MYO3B: variants seen among roughly 807,000 people sequenced by gnomAD.
MYO3B encodes myosin-IIIb.
A neutral mutation model predicts 174.6 loss-of-function variants in MYO3B; 156 were observed. The observed-to-expected ratio is 0.89, with a 90% CI of 0.78 to 1.02. The LOEUF (loss-of-function observed/expected upper bound fraction) is 1.02. MYO3B is among the 50% of genes least tolerant of loss of function. MYO3B has a pLI of 0.00. For missense variants in MYO3B, 1,632 were observed against 1,639.4 expected, an observed-to-expected ratio of 1.00 and a Z score of 0.08; for synonymous variants, 563 against 569.1, an observed-to-expected ratio of 0.99 and a Z score of 0.15.
intron 3 of MYO3B, among the ~76,000 whole-genome samples, chr2:170,212,758 G>A (rs1272634790): frequency 1.3e-5 from 2 of 152,202 alleles, no homozygotes; most frequent in South Asian, 2.1e-4. Context: ...TGCATAAGGC[G>A]TGAATTCCCC....
intron 7 of MYO3B, among the ~76,000 whole-genome samples, chr2:170,261,855 T>C (rs1357209686): frequency 6.6e-6 from 1 of 152,164 alleles, no homozygotes; most frequent in Non-Finnish European, 1.5e-5. Context: ...AATATATAAA[T>C]GTTCAGGAAG....
intron 25 of MYO3B, among the ~76,000 whole-genome samples, chr2:170,474,474 C>T (rs760027424): frequency 4.6e-5 from 7 of 151,696 alleles, no homozygotes; most frequent in Non-Finnish European, 7.4e-5. Flanking sequence ...TGGTGGCTGA[C>T]GCCTGTAATC....
chr2:170,338,958 AC>A (rs1306806139), intron 8 of MYO3B, among the ~76,000 whole-genome samples: 2 of 152,138 alleles, frequency 1.3e-5, no homozygotes, highest in Admixed American at 1.3e-4. Context: ...GGCTGCCATT[AC>A]TCAGCCTATC....
At chr2:170,576,288 G>T (rs1175572777) in intron 32 of MYO3B, among the ~76,000 whole-genome samples, 3 of 152,168 alleles carry the variant, frequency 2.0e-5, no homozygotes, top group Non-Finnish European at 2.9e-5. Context: ...CTCTGTGTAG[G>T]GTTACTGTCC....
chr2:170,286,518 T>A (rs1559360331), intron 7 of MYO3B, among the ~76,000 whole-genome samples: 2 of 152,150 alleles, frequency 1.3e-5, no homozygotes, highest in Non-Finnish European at 2.9e-5. Flanking sequence ...TTTCTCCTTT[T>A]CCCCTTCCTT....
At chr2:170,322,780 T>C (rs9287937) in intron 7 of MYO3B, among the ~76,000 whole-genome samples, 145,165 of 152,260 alleles carry the variant, frequency 0.95, 69,561 homozygotes, top group East Asian at 1. Context: ...GGCATGCACA[T>C]GGTCTCTGGT....
At chr2:170,214,923 C>T in intron 5 of MYO3B, 95 bp downstream of exon 5, 1 of 924,414 alleles carries the variant, frequency 1.1e-6, no homozygotes, top group South Asian at 1.5e-5. Context: ...TTCTCTGCTA[C>T]ACCATAGGCT....
chr2:170,182,614 C>CTTTTT (rs3066879), intron 1 of MYO3B, among the ~76,000 whole-genome samples: 9 of 135,628 alleles, frequency 6.6e-5, no homozygotes, highest in African/African-American at 2.2e-4. Flanking sequence ...TTTTCTGTTT[C>CTTTTT]TTTTTTTTTT....
At chr2:170,479,776 A>G (rs1287593018) in intron 25 of MYO3B, among the ~76,000 whole-genome samples, 2 of 147,968 alleles carry the variant, frequency 1.4e-5, no homozygotes, top group African/African-American at 2.5e-5. Context: ...ACTGAATGTT[A>G]ACTTTGTAAT....
At chr2:170,562,297 G>T (rs1282471685) in intron 32 of MYO3B, among the ~76,000 whole-genome samples, 1 of 152,128 alleles carries the variant, frequency 6.6e-6, no homozygotes, top group East Asian at 1.9e-4. Context: ...TATAAACTTA[G>T]ATGTTAACCC....
At chr2:170,338,506 A>G (rs1177281119) in intron 8 of MYO3B, among the ~76,000 whole-genome samples, 1 of 152,156 alleles carries the variant, frequency 6.6e-6, no homozygotes, top group East Asian at 1.9e-4. Context: ...CTTCTGCAAT[A>G]TTTTTGGGAA....
intron 1 of MYO3B, among the ~76,000 whole-genome samples, chr2:170,191,509 A>G (rs2092540320): frequency 6.6e-6 from 1 of 152,054 alleles, no homozygotes; most frequent in Non-Finnish European, 1.5e-5. Flanking sequence ...AGTTCCTATC[A>G]CTGGGAGGTG....
rs567457771 is a variant in MYO3B at position 170,220,465 on chromosome 2, C to G, written c.603+3070C>G. Among the ~76,000 whole-genome samples the G allele has an allele frequency of 2.6e-5, 4 of 151,150 alleles. 1 individual carries two copies. The highest frequency in any genetic ancestry group is 7.3e-5 in the African/African-American group (3 of 41,154). Reference sequence around the variant, plus strand: ...CTAACACGGTGAAACCCCATCTCTACTAAAAATACAAAAATTAGCCTGGCA... The same window carrying G: ...CTAACACGGTGAAACCCCATCTCTAGTAAAAATACAAAAATTAGCCTGGCA... On this transcript the variant is annotated intron_variant, in intron 6 of 34. Coordinates refer to ENST00000408978, the MANE Select transcript of MYO3B (RefSeq NM_138995.5).
chr2:170,397,683 G>A (rs1374153586), intron 16 of MYO3B, among the ~76,000 whole-genome samples: 1 of 152,046 alleles, frequency 6.6e-6, no homozygotes, highest in Admixed American at 6.6e-5. Flanking sequence ...CACCAGCTGG[G>A]TGTCCTACAA....
At chr2:170,534,736 C>T (rs1271001073) in intron 30 of MYO3B, among the ~76,000 whole-genome samples, 1 of 152,182 alleles carries the variant, frequency 6.6e-6, no homozygotes, top group Non-Finnish European at 1.5e-5. Flanking sequence ...CACCCACACC[C>T]AGCCTCAGTG....
intron 9 of MYO3B, among the ~76,000 whole-genome samples, chr2:170,372,355 T>A (rs1339606153): frequency 6.6e-6 from 1 of 152,144 alleles, no homozygotes; most frequent in East Asian, 1.9e-4. Context: ...CAAGGTCTAT[T>A]TAATTCTGAG....
chr2:170,404,356 A>T lies in MYO3B; in HGVS notation c.2387A>T (p.Asp796Val), dbSNP rs759603253. ...CCCCTGGGACTGCTTGCACTTTTGG[A>T]TGAGGAAAGTCGGTTTCCCCAAGCA... ...QKPLGLLALL[D>V]EESRFPQATD... The change falls in exon 20 of 35, where the codon GAT becomes GTT. Residue 796 changes from aspartate (D) to valine (V), a missense_variant. By Grantham distance (152) the Asp-to-Val change is radical. Coordinates refer to ENST00000408978, the MANE Select transcript of MYO3B (RefSeq NM_138995.5). The T allele has an allele frequency of 1.9e-6, 3 of 1,613,754 alleles. No individual in the cohort carries two copies. The highest frequency in any genetic ancestry group is 3.3e-5 in the Admixed American group (2 of 59,944).
At chr2:170,180,926 A>G (rs2105297393) in intron 1 of MYO3B, among the ~76,000 whole-genome samples, 1 of 152,298 alleles carries the variant, frequency 6.6e-6, no homozygotes, top group East Asian at 1.9e-4. Flanking sequence ...TTCCATATTA[A>G]TTGGCAGAAA....
intron 25 of MYO3B, among the ~76,000 whole-genome samples, chr2:170,470,268 C>A (rs934729407): frequency 6.6e-6 from 1 of 152,168 alleles, no homozygotes; most frequent in East Asian, 1.9e-4. Flanking sequence ...CTCCTCAATC[C>A]CACCAAACTT....
Sources: allele counts gnomAD v4.1 joint callset (sites outside exome capture counted in the v4.1 genomes callset), GRCh38; gene constraint gnomAD v4.1.1; transcripts MANE v1.5; gene names NCBI Gene and HGNC (gene_info 2026-07-23, HGNC 2026-07-21).